KHDRBS2: variants seen among roughly 807,000 people sequenced by gnomAD.
KHDRBS2 encodes the protein KH domain-containing, RNA-binding, signal transduction-associated protein 2.
KHDRBS2 carries 26 observed loss-of-function variants against 44.3 expected under a neutral mutation model. That is an observed-to-expected ratio of 0.59 (90% confidence interval 0.43 to 0.81). The LOEUF (loss-of-function observed/expected upper bound fraction) is 0.81, where lower values mean the gene tolerates loss of function less well. KHDRBS2 is among the 40% of genes least tolerant of loss of function. KHDRBS2 has a pLI of 0.00. For missense variants in KHDRBS2, 476 were observed against 433.1 expected, an observed-to-expected ratio of 1.10 and a Z score of -0.88; for synonymous variants, 194 against 151.1, an observed-to-expected ratio of 1.28 and a Z score of -2.08.
At chr6:61,817,106 G>C (rs947654817) in intron 6 of KHDRBS2, 16 of 368,900 alleles carry the variant, frequency 4.3e-5, no homozygotes, top group African/African-American at 3.0e-4. Flanking sequence ...CATTTCTCTA[G>C]TTTTTCTACA....
chr6:62,221,809 T>C (rs909161303), intron 1 of KHDRBS2, among the ~76,000 whole-genome samples: 2 of 152,126 alleles, frequency 1.3e-5, no homozygotes, highest in Non-Finnish European at 2.9e-5. Flanking sequence ...TATCAACCAT[T>C]GATTTTTAAT....
chr6:61,723,062 A>G (rs1448378940), intron 7 of KHDRBS2, among the ~76,000 whole-genome samples: 1 of 152,118 alleles, frequency 6.6e-6, no homozygotes, highest in Non-Finnish European at 1.5e-5. Flanking sequence ...TTCACTGGTG[A>G]TACCTTCAGG....
chr6:61,591,359 A>C, the KHDRBS2 span, among the ~76,000 whole-genome samples: 1 of 151,896 alleles, frequency 6.6e-6, no homozygotes, highest in African/African-American at 2.4e-5. Flanking sequence ...ATAGAATGTC[A>C]TTAGAAAACC....
intron 4 of KHDRBS2, among the ~76,000 whole-genome samples, chr6:61,931,997 C>A (rs1272422260): frequency 6.6e-6 from 1 of 152,044 alleles, no homozygotes; most frequent in Non-Finnish European, 1.5e-5. Context: ...TTTGTTTTCA[C>A]TAGCTTACTT....
chr6:62,082,046 A>T (rs1797501428), intron 2 of KHDRBS2, among the ~76,000 whole-genome samples: 1 of 152,100 alleles, frequency 6.6e-6, no homozygotes, highest in Non-Finnish European at 1.5e-5. Context: ...GAATGAAGAA[A>T]ATAGTTGTAT....
intron 2 of KHDRBS2, among the ~76,000 whole-genome samples, chr6:62,073,319 C>T (rs34693787): frequency 0.17 from 25,966 of 151,278 alleles, 2,558 homozygotes; most frequent in African/African-American, 0.27. Context: ...CTTTTCATCT[C>T]ATCTACATTA....
At chr6:61,544,276 A>T in the KHDRBS2 span, among the ~76,000 whole-genome samples, 1 of 152,092 alleles carries the variant, frequency 6.6e-6, no homozygotes, top group Non-Finnish European at 1.5e-5. Flanking sequence ...TTAAAAAAGC[A>T]TTATTCTTAC....
At chr6:62,151,667 T>A (rs1464295541) in intron 2 of KHDRBS2, among the ~76,000 whole-genome samples, 6 of 152,070 alleles carry the variant, frequency 3.9e-5, no homozygotes, top group Non-Finnish European at 8.8e-5. Context: ...ACCTGTTAGG[T>A]GGTGAACTGA....
the KHDRBS2 span, among the ~76,000 whole-genome samples, chr6:61,543,960 ATGGGGC>A: frequency 6.6e-6 from 1 of 152,144 alleles, no homozygotes; most frequent in Non-Finnish European, 1.5e-5. Flanking sequence ...GGGAAGGGTA[ATGGGGC>A]TGTAGGAGTA....
At chr6:61,828,428 G>C (rs1791265785) in intron 6 of KHDRBS2, among the ~76,000 whole-genome samples, 1 of 152,178 alleles carries the variant, frequency 6.6e-6, no homozygotes, top group Non-Finnish European at 1.5e-5. Flanking sequence ...ACAGGTTACA[G>C]GTGCGGGTGA....
chr6:61,716,000 C>A (rs375413390), intron 7 of KHDRBS2, among the ~76,000 whole-genome samples: 1 of 150,966 alleles, frequency 6.6e-6, no homozygotes, highest in African/African-American at 2.4e-5. Flanking sequence ...TTTCCATTCT[C>A]GAACCATGCT....
rs1797342333 is a variant in KHDRBS2 at position 61,863,612 on chromosome 6, T to G, written c.810+31023A>C. 2.6e-5 allele frequency among the ~76,000 whole-genome samples: 4 copies of G among 152,192 alleles called. No homozygotes were observed. In the South Asian group the frequency reaches 8.3e-4, roughly 31 times the overall value. ...TGGTTTTGAGTGAATACCTTAATCT[T>G]GAGCTATAATTTGATTGTACTGTGA... is the stretch of plus-strand genomic sequence containing the variant. On this transcript the variant is annotated intron_variant, in intron 6 of 8. Transcript: ENST00000281156.
chr6:62,065,207 T>C (rs1166049008), intron 2 of KHDRBS2, among the ~76,000 whole-genome samples: 2 of 152,108 alleles, frequency 1.3e-5, no homozygotes, highest in Non-Finnish European at 2.9e-5. Context: ...AGTTCAACCA[T>C]TGTGGAAGTC....
chr6:62,121,863 T>C (rs999380434), intron 2 of KHDRBS2, among the ~76,000 whole-genome samples: 2 of 152,192 alleles, frequency 1.3e-5, no homozygotes, highest in Admixed American at 6.5e-5. Flanking sequence ...AGGGGCCTTC[T>C]AGCTCAGTAA....
At chr6:62,178,771 T>C (rs972812040) in intron 1 of KHDRBS2, among the ~76,000 whole-genome samples, 9 of 151,712 alleles carry the variant, frequency 5.9e-5, no homozygotes, top group East Asian at 5.8e-4. Context: ...TATTTCTTTT[T>C]GTTCTTTGCT....
At chr6:62,014,749 T>C (rs1780898707) in intron 3 of KHDRBS2, among the ~76,000 whole-genome samples, 1 of 152,186 alleles carries the variant, frequency 6.6e-6, no homozygotes, top group Admixed American at 6.5e-5. Context: ...TGGAACATCC[T>C]GTATCTTACT....
chr6:61,807,096 G>T (rs189934009), intron 6 of KHDRBS2, among the ~76,000 whole-genome samples: 407 of 152,200 alleles, frequency 2.7e-3, no homozygotes, highest in Non-Finnish European at 3.7e-3. Context: ...CTGATCATTA[G>T]CAAAATGCAA....
the KHDRBS2 span, among the ~76,000 whole-genome samples, chr6:61,668,233 C>A: frequency 6.6e-6 from 1 of 150,598 alleles, no homozygotes. Flanking sequence ...TTTGGTATAC[C>A]TTTGGCATGC....
At chr6:61,844,511 C>T (rs1409571349) in intron 6 of KHDRBS2, among the ~76,000 whole-genome samples, 7 of 152,090 alleles carry the variant, frequency 4.6e-5, no homozygotes, top group Admixed American at 1.3e-4. Context: ...TAACCTACTG[C>T]CTGGAATGAC....
Sources: allele counts gnomAD v4.1 joint callset (sites outside exome capture counted in the v4.1 genomes callset), GRCh38; gene constraint gnomAD v4.1.1; transcripts MANE v1.5; gene names NCBI Gene and HGNC (gene_info 2026-07-23, HGNC 2026-07-21).